The following ZNF451 variants were observed in gnomAD, a reference collection of about 807,000 sequenced individuals.
The protein encoded by ZNF451 is E3 SUMO-protein ligase ZNF451.
In ZNF451, 80 loss-of-function variants were observed where a neutral mutation model predicts 107.1. The ratio of observed to expected loss-of-function variants is 0.75; its 90% CI spans 0.62 to 0.90. The LOEUF is 0.90. Among genes scored for constraint, ZNF451 ranks in the 40% least tolerant of loss-of-function variants. ZNF451 has a pLI of 0.00. For missense variants in ZNF451, 1,107 were observed against 1,236.2 expected (o/e 0.90, Z 1.57); for synonymous variants, 362 against 406.5 (o/e 0.89, Z 1.32).
At chr6:57,099,640 C>G in intron 3 of ZNF451, 3 of 638,476 alleles carry the variant, frequency 4.7e-6, no homozygotes, top group Non-Finnish European at 8.4e-6. Context: ...CTGTGCCCCA[C>G]ATATTTGGAG....
chr6:57,116,894 G>GT (rs1324648925), intron 3 of ZNF451: 1 of 150,532 alleles, frequency 6.6e-6, no homozygotes, highest in Non-Finnish European at 1.5e-5. Context: ...GAGCCCCGGA[G>GT]TTTGAGTCCA....
At chr6:57,105,761 G>A in intron 3 of ZNF451, 1 of 984,878 alleles carries the variant, frequency 1.0e-6, no homozygotes. Context: ...ACTTATATTT[G>A]ATAAGTGGAT....
chr6:57,120,548 C>T (rs1830590228), intron 3 of ZNF451, among the ~76,000 whole-genome samples: 1 of 152,204 alleles, frequency 6.6e-6, no homozygotes, highest in Non-Finnish European at 1.5e-5. Context: ...TGCTGCACAT[C>T]CTTGCTAACA....
Position 57,148,269 on chromosome 6 carries a change from C to A in ZNF451, c.2184C>A (p.Tyr728Ter). 1 of 1,613,948 alleles carries A rather than the reference C, an allele frequency of 6.2e-7. No homozygotes were observed. Among genetic ancestry groups the A allele is most frequent in the Non-Finnish European group, 8.5e-7 (1 of 1,179,930 alleles). ...NQLTCGCRES[Y>*]ICKVNRKEDY... ...TAACTTGTGGTTGCCGTGAGAGTTACATCTGTAAAGTCAACAGAAAAGAAG... is the reference window on the plus strand; with the variant it reads ...TAACTTGTGGTTGCCGTGAGAGTTAAATCTGTAAAGTCAACAGAAAAGAAG... The change falls in exon 10 of 15, where the codon TAC (tyrosine) becomes TAA (stop). Residue 728 changes from tyrosine to a stop codon, truncating the protein, a stop_gained. Transcript: ENST00000370706. LOFTEE classifies it high-confidence loss of function.
At chr6:57,155,818 CTTTTTTTT>C (rs528621372) in intron 13 of ZNF451, among the ~76,000 whole-genome samples, 2 of 107,296 alleles carry the variant, frequency 1.9e-5, no homozygotes, top group Non-Finnish European at 4.0e-5. Context: ...TCTAGGTATT[CTTTTTTTT>C]TTTTTTTTTT....
At chr6:57,146,818 A>G (rs1431598125) in intron 9 of ZNF451, among the ~76,000 whole-genome samples, 1 of 152,220 alleles carries the variant, frequency 6.6e-6, no homozygotes, top group Non-Finnish European at 1.5e-5. Flanking sequence ...CTTTTGATAC[A>G]GATTTTAGTT....
chr6:57,142,242 G>A (rs1353627520), intron 9 of ZNF451, 147 bp downstream of exon 9: 1 of 929,556 alleles, frequency 1.1e-6, no homozygotes, highest in African/African-American at 1.6e-5. Context: ...AACATAGTGA[G>A]AGAAGTTAGA....
At chr6:57,112,829 G>A (rs924596271) in intron 3 of ZNF451, among the ~76,000 whole-genome samples, 1 of 152,038 alleles carries the variant, frequency 6.6e-6, no homozygotes, top group African/African-American at 2.4e-5. Flanking sequence ...AATATAAAAT[G>A]GAAGCTTTTT....
In ZNF451 at chr6:57,169,151, T is replaced by C. The variant is rs994620950; in HGVS notation, c.*682T>C. ...TTCCATTCCTTTTACCTGCTTAGAC[T>C]TTTATGTGACTTGTATGGTCTCCTG... On this transcript the variant is annotated 3_prime_UTR_variant, in exon 15 of 15. Coordinates refer to ENST00000370706, the MANE Select transcript of ZNF451 (RefSeq NM_001031623.3). 8 of 152,194 alleles carry C rather than the reference T, an allele frequency of 5.3e-5. No individual in the cohort carries two copies. Among genetic ancestry groups the C allele is most frequent in the African/African-American group, 1.9e-4 (8 of 41,460 alleles). The allele number at this position is 152,194 out of a possible 1,614,324, so 9.4% of individuals were successfully genotyped here.
At chr6:57,138,761 GTGTGTGTGTGTGTGTA>G (rs1159443351) in intron 7 of ZNF451, among the ~76,000 whole-genome samples, 2 of 127,360 alleles carry the variant, frequency 1.6e-5, no homozygotes, top group South Asian at 2.6e-4. Context: ...GTGTGTGTGT[GTGTGTGTGTGTGTGTA>G]TATATATATA....
At chr6:57,105,498 T>A in intron 3 of ZNF451, 1 of 985,394 alleles carries the variant, frequency 1.0e-6, no homozygotes, top group South Asian at 4.7e-5. Context: ...GTTTATCATT[T>A]GTACAATTGC....
intron 6 of ZNF451, among the ~76,000 whole-genome samples, chr6:57,134,483 A>T (rs1562612326): frequency 1.3e-5 from 2 of 152,226 alleles, no homozygotes; most frequent in Non-Finnish European, 2.9e-5. Flanking sequence ...TTTGGTAAGA[A>T]ATGTCTAAAT....
At chr6:57,135,001 A>G (rs1831363884) in intron 7 of ZNF451, 131 bp downstream of exon 7, 4 of 739,784 alleles carry the variant, frequency 5.4e-6, no homozygotes, top group South Asian at 2.3e-5. Context: ...GTAATTGTCA[A>G]TTGAAAATAA....
intron 3 of ZNF451, chr6:57,103,530 T>C: frequency 1.0e-6 from 1 of 985,326 alleles, no homozygotes; most frequent in Non-Finnish European, 1.2e-6. Flanking sequence ...AGTGGATGTA[T>C]GGTATATCAG....
At chr6:57,124,420 C>A in intron 3 of ZNF451, 1 of 715,368 alleles carries the variant, frequency 1.4e-6, no homozygotes. Flanking sequence ...TCTCTCTCTC[C>A]AATTTTAGGG....
chr6:57,098,960 T>C, intron 2 of ZNF451, 101 bp from the exon 3 acceptor site: 1 of 778,292 alleles, frequency 1.3e-6, no homozygotes, highest in Non-Finnish European at 2.2e-6. Context: ...CTCTTCAGAG[T>C]AATTCTTGCC....
chr6:57,155,300 A>C lies in ZNF451; in HGVS notation c.3070+1253A>C, dbSNP rs553411904. Among the ~76,000 whole-genome samples the C allele has an allele frequency of 2.0e-5, 3 of 152,332 alleles. No individual in the cohort carries two copies. The South Asian group carries it at 6.2e-4, about 32-fold the overall frequency. On this transcript the variant is annotated intron_variant, in intron 13 of 14. Transcript: ENST00000370706. ...CAGAAGTTCAAGACCAGCCTGGTCA[A>C]CATGGTGAAAACCCATCTCTACTAA...
At position 57,100,977 on chromosome 6, in the gene ZNF451, A is replaced by G. The variant is rs1829563565; in HGVS notation, c.186+1836A>G. The G allele has an allele frequency of 2.6e-6, 4 of 1,550,980 alleles. No homozygotes were observed. The African/African-American group carries it at 5.5e-5, about 21-fold the overall frequency. ...GGGATGCCATCCTCTATCTCCAGAC[A>G]CAAGTAGCTGAAATGTCCCGAGTGA... On this transcript the variant is annotated intron_variant, in intron 3 of 14. Transcript: ENST00000370706.
intron 3 of ZNF451, chr6:57,109,682 G>A (rs1830025522): frequency 1.0e-6 from 1 of 979,368 alleles, no homozygotes; most frequent in Middle Eastern, 5.3e-4. Flanking sequence ...GCCTAACAGT[G>A]TACTAAGTCA....
Sources: allele counts gnomAD v4.1 joint callset (sites outside exome capture counted in the v4.1 genomes callset), GRCh38; gene constraint gnomAD v4.1.1; transcripts MANE v1.5; gene names NCBI Gene and HGNC (gene_info 2026-07-23, HGNC 2026-07-21).